STXBP4: variants seen among roughly 807,000 people sequenced by gnomAD.
The protein encoded by STXBP4 is syntaxin-binding protein 4.
Under a neutral mutation model 76.1 loss-of-function variants are expected in STXBP4, and 55 were observed. That is an observed-to-expected ratio of 0.72 (90% CI 0.58 to 0.91). STXBP4 has a LOEUF of 0.91. STXBP4 is among the 40% of genes least tolerant of loss of function. STXBP4 has a pLI of 0.00. For missense variants in STXBP4, 618 were observed against 636.9 expected (o/e 0.97, Z 0.32); for synonymous variants, 201 against 220.2 (o/e 0.91, Z 0.77).
intron 16 of STXBP4, among the ~76,000 whole-genome samples, chr17:55,112,589 C>T (rs1056904053): frequency 6.6e-6 from 1 of 152,164 alleles, no homozygotes; most frequent in Non-Finnish European, 1.5e-5. Context: ...GCAGGAAGGA[C>T]AGATCTGGGA....
At chr17:55,059,207 C>G (rs188343892) in intron 12 of STXBP4, among the ~76,000 whole-genome samples, 12 of 152,000 alleles carry the variant, frequency 7.9e-5, no homozygotes, top group Non-Finnish European at 1.6e-4. Context: ...ATATGATTTA[C>G]CTAGGTATCA....
chr17:55,078,791 TG>T, intron 15 of STXBP4, 56 bp downstream of exon 15: 1 of 967,600 alleles, frequency 1.0e-6, no homozygotes, highest in South Asian at 1.4e-5. Context: ...ATTCTTCATC[TG>T]GTCATTGTGA....
the STXBP4 span, among the ~76,000 whole-genome samples, chr17:55,178,952 A>G: frequency 6.6e-6 from 1 of 152,226 alleles, no homozygotes; most frequent in African/African-American, 2.4e-5. Context: ...AGACACACCC[A>G]GAAATGTTTA....
chr17:55,085,776 G>A (rs2079318191), intron 16 of STXBP4, among the ~76,000 whole-genome samples: 1 of 151,950 alleles, frequency 6.6e-6, no homozygotes, highest in Non-Finnish European at 1.5e-5. Flanking sequence ...TGGAGGATTG[G>A]AAACTATGCC....
the STXBP4 span, among the ~76,000 whole-genome samples, chr17:55,185,878 G>A: frequency 1.3e-5 from 2 of 152,204 alleles, no homozygotes; most frequent in African/African-American, 4.8e-5. Flanking sequence ...GGAACGTCAT[G>A]TTTAAAGGCA....
rs767129689 is a variant in STXBP4, at chr17:55,159,924, G to A, written c.*13G>A. ...CCAGAAAAGTTGATGGTTTTCCTTA[G>A]GAAGTGGAGCTACATGGATGATGTG... is the stretch of plus-strand genomic sequence containing the variant. On this transcript the variant is annotated 3_prime_UTR_variant, in exon 18 of 18. Transcript: ENST00000376352. 1.4e-5 allele frequency: 22 copies of A among 1,540,942 alleles called. No individual in the cohort carries two copies. Among genetic ancestry groups the A allele is most frequent in the Non-Finnish European group, 1.5e-5 (17 of 1,113,902 alleles).
intron 4 of STXBP4, chr17:54,991,672 T>C (rs1329566436): frequency 1.3e-5 from 2 of 151,518 alleles, no homozygotes; most frequent in Admixed American, 1.3e-4. Flanking sequence ...CATTTGATTT[T>C]GGAGAGATAT....
the STXBP4 span, among the ~76,000 whole-genome samples, chr17:55,191,198 G>A: frequency 7.9e-5 from 12 of 152,150 alleles, no homozygotes; most frequent in African/African-American, 2.7e-4. Context: ...TGGCTGGAGA[G>A]TGCTGAAGGG....
chr17:55,014,853 C>A lies in STXBP4; in HGVS notation c.666+7256C>A, dbSNP rs540064751. Among the ~76,000 whole-genome samples the A allele has an allele frequency of 2.6e-5, 4 of 152,210 alleles. No individual in the cohort carries two copies. The South Asian group carries it at 8.3e-4, about 32-fold the overall frequency. On this transcript the variant is annotated intron_variant, in intron 8 of 17. Transcript: ENST00000376352. ...CCTATTAGGCATTCAATTTGCCCAGCTTTTCCCTTTTCCAGAGTCTCCAAA... is the reference window on the plus strand; with the variant it reads ...CCTATTAGGCATTCAATTTGCCCAGATTTTCCCTTTTCCAGAGTCTCCAAA...
chr17:54,968,793 G>A lies in STXBP4; in HGVS notation c.-179G>A. 3.4e-6 allele frequency: 3 copies of A among 889,796 alleles called. No homozygotes were observed. Among genetic ancestry groups the A allele is most frequent in the Non-Finnish European group, 5.1e-6 (3 of 584,584 alleles). The allele number at this position is 889,796 out of a possible 1,614,324, so 55.1% of individuals were successfully genotyped here. A position where few individuals can be genotyped will look rare whatever the true frequency, so the allele number is the denominator to read the frequency against. ...TGGCAGCGCTTGCAGTCGGGCTACG[G>A]AGGCCGGGTTGCCAGATTACGGGTA... On this transcript the variant is annotated 5_prime_UTR_variant, in exon 1 of 18. Coordinates refer to ENST00000376352, the MANE Select transcript of STXBP4 (RefSeq NM_178509.6).
chr17:55,193,575 T>C, the STXBP4 span, among the ~76,000 whole-genome samples: 1 of 151,454 alleles, frequency 6.6e-6, no homozygotes, highest in Non-Finnish European at 1.5e-5. Context: ...AGAAAGGAAA[T>C]GGTGAATTGA....
At chr17:55,045,760 A>G (rs765601160) in intron 11 of STXBP4, among the ~76,000 whole-genome samples, 5 of 152,110 alleles carry the variant, frequency 3.3e-5, no homozygotes, top group Admixed American at 2.6e-4. Flanking sequence ...CAAATTTTAC[A>G]TGTTATAATT....
In STXBP4 at chr17:55,052,815, C is replaced by T. The variant is rs141054046; in HGVS notation, c.1011+5661C>T. On this transcript the variant is annotated intron_variant, in intron 12 of 17. Coordinates refer to ENST00000376352, the MANE Select transcript of STXBP4 (RefSeq NM_178509.6). ...AACATCACCTGTGTAATTTTCTGGG[C>T]GAGAATGTGTAACCTGAATCTAACC... 4.8e-3 allele frequency among the ~76,000 whole-genome samples: 685 copies of T among 143,272 alleles called. 5 individuals carry two copies. Among genetic ancestry groups the T allele is most frequent in the African/African-American group, 0.017 (647 of 38,512 alleles). 94.0% of individuals were successfully genotyped at this position (143,272 alleles called of 152,430 possible). A position where few individuals can be genotyped will look rare whatever the true frequency, so the allele number is the denominator to read the frequency against.
At chr17:55,207,902 A>G in the STXBP4 span, among the ~76,000 whole-genome samples, 1 of 152,126 alleles carries the variant, frequency 6.6e-6, no homozygotes, top group East Asian at 1.9e-4. Flanking sequence ...GCCAGTGTGA[A>G]TGGTAACTTT....
chr17:55,192,641 A>C, the STXBP4 span, among the ~76,000 whole-genome samples: 1 of 152,204 alleles, frequency 6.6e-6, no homozygotes, highest in African/African-American at 2.4e-5. Context: ...CCACATTCAT[A>C]ATCACTATGT....
chr17:55,154,311 A>G (rs2080252795), intron 17 of STXBP4, among the ~76,000 whole-genome samples: 1 of 152,204 alleles, frequency 6.6e-6, no homozygotes, highest in Non-Finnish European at 1.5e-5. Flanking sequence ...TCACATAAAG[A>G]TATGAGGAGA....
At chr17:55,134,508 A>G (rs1427336073) in intron 16 of STXBP4, among the ~76,000 whole-genome samples, 2 of 152,164 alleles carry the variant, frequency 1.3e-5, no homozygotes, top group African/African-American at 4.8e-5. Context: ...CAAAACAATT[A>G]TATATAACTT....
At chr17:55,144,387 TTAATA>T (rs2145158139) in intron 17 of STXBP4, among the ~76,000 whole-genome samples, 1 of 152,296 alleles carries the variant, frequency 6.6e-6, no homozygotes, top group African/African-American at 2.4e-5. Flanking sequence ...AAGTCTTACT[TTAATA>T]TATGTTACAC....
chr17:55,123,877 C>T (rs1294310120), intron 16 of STXBP4, among the ~76,000 whole-genome samples: 8 of 150,360 alleles, frequency 5.3e-5, no homozygotes, highest in African/African-American at 1.7e-4. Flanking sequence ...TCCAACCTGG[C>T]GACAAAGCAA....
Sources: allele counts gnomAD v4.1 joint callset (sites outside exome capture counted in the v4.1 genomes callset), GRCh38; gene constraint gnomAD v4.1.1; transcripts MANE v1.5; gene names NCBI Gene and HGNC (gene_info 2026-07-23, HGNC 2026-07-21).